MAP3K13: variants seen among roughly 807,000 people sequenced by gnomAD.
MAP3K13 encodes mitogen-activated protein kinase kinase kinase 13.
Under a neutral mutation model 104.0 loss-of-function variants are expected in MAP3K13, and 52 were observed. That is an observed-to-expected ratio of 0.50 (90% CI 0.40 to 0.63). The LOEUF is 0.63. Ranked by LOEUF, MAP3K13 falls within the 20% of genes least tolerant of loss-of-function variation. The pLI is 0.00. For synonymous variants in MAP3K13, 394 were observed against 442.2 expected, an observed-to-expected ratio of 0.89 and a Z score of 1.37; for missense variants, 914 against 1,218.5, an observed-to-expected ratio of 0.75 and a Z score of 3.72.
intron 1 of MAP3K13, among the ~76,000 whole-genome samples, chr3:185,372,689 A>C (rs1353832234): frequency 6.6e-6 from 1 of 152,140 alleles, no homozygotes; most frequent in African/African-American, 2.4e-5. Context: ...TTTTGTCACA[A>C]ATTTTCTTAT....
chr3:185,316,563 C>T (rs1409429699), intron 2 of MAP3K13, among the ~76,000 whole-genome samples: 1 of 152,158 alleles, frequency 6.6e-6, no homozygotes, highest in African/African-American at 2.4e-5. Context: ...TTCACTTAAG[C>T]CCGGGAGGTG....
Position 185,484,369 on chromosome 3 carries a change from C to G in MAP3K13, c.*1913C>G, listed in dbSNP as rs543150591. 2.0e-5 allele frequency: 3 copies of G among 152,262 alleles called. No homozygotes were observed. In the South Asian group the frequency reaches 6.2e-4, roughly 32 times the overall value. 9.4% of individuals were successfully genotyped at this position (152,262 alleles called of 1,614,324 possible). A position where few individuals can be genotyped will look rare whatever the true frequency, so the allele number is the denominator to read the frequency against. ...GTACAAATAGGTGTTGACCTAGTACCTGTCCCTGTCTCCAAGACAGATTAC... is the reference window on the plus strand; with the variant it reads ...GTACAAATAGGTGTTGACCTAGTACGTGTCCCTGTCTCCAAGACAGATTAC... On this transcript the variant is annotated 3_prime_UTR_variant, in exon 14 of 14. Coordinates refer to ENST00000265026, the MANE Select transcript of MAP3K13 (RefSeq NM_004721.5).
At chr3:185,481,325 A>T (rs1253336161) in intron 13 of MAP3K13, 4 of 152,026 alleles carry the variant, frequency 2.6e-5, no homozygotes, top group Non-Finnish European at 2.9e-5. Flanking sequence ...CAACAACAAC[A>T]ACAACAAAAT....
chr3:185,309,040 C>T (rs1237953414), intron 2 of MAP3K13, among the ~76,000 whole-genome samples: 1 of 152,048 alleles, frequency 6.6e-6, no homozygotes, highest in African/African-American at 2.4e-5. Context: ...ATAAGGATGC[C>T]AGTCATGTTG....
At chr3:185,455,543 A>ATATATATAT (rs1491361772) in intron 7 of MAP3K13, among the ~76,000 whole-genome samples, 1 of 7,466 alleles carries the variant, frequency 1.3e-4, no homozygotes, top group Non-Finnish European at 2.0e-4. Flanking sequence ...GATATATATG[A>ATATATATAT]CATATATATG....
chr3:185,312,706 A>G (rs1333969080), intron 2 of MAP3K13, among the ~76,000 whole-genome samples: 2 of 152,250 alleles, frequency 1.3e-5, no homozygotes, highest in Non-Finnish European at 1.5e-5. Context: ...ACATAATTAT[A>G]TGCAAACTAT....
At position 185,466,823 on chromosome 3, in the gene MAP3K13, C is replaced by G; in HGVS notation, c.1506-3C>G. 1 of 1,613,934 alleles carries G rather than the reference C, an allele frequency of 6.2e-7. No homozygotes were observed. ...AGGTGTGGCTTTTGCCTTTATTCTG[C>G]AGGCGTGAGCAAGCAGTGGAAAAGA... On this transcript the variant is annotated splice_polypyrimidine_tract_variant and splice_region_variant and intron_variant, in intron 9 of 13. Transcript: ENST00000265026.
At chr3:185,342,591 A>T (rs557403244) in intron 2 of MAP3K13, among the ~76,000 whole-genome samples, 2 of 152,288 alleles carry the variant, frequency 1.3e-5, no homozygotes, top group East Asian at 1.9e-4. Context: ...ACCAGGCAAG[A>T]TGTTTGTTAT....
chr3:185,444,552 GGCTATGTAAGAGAA>G (rs1486101959), intron 4 of MAP3K13, among the ~76,000 whole-genome samples: 3 of 152,014 alleles, frequency 2.0e-5, no homozygotes, highest in Non-Finnish European at 4.4e-5. Flanking sequence ...AATAAACACT[GGCTATGTAAGAGAA>G]GCAGGGCTAT....
At chr3:185,446,143 T>C (rs921027052) in intron 4 of MAP3K13, among the ~76,000 whole-genome samples, 13 of 152,148 alleles carry the variant, frequency 8.5e-5, no homozygotes, top group African/African-American at 3.1e-4. Flanking sequence ...GTTGTGAGCA[T>C]GGTAAATGTG....
At chr3:185,372,799 C>A (rs1189164188) in intron 1 of MAP3K13, among the ~76,000 whole-genome samples, 1 of 152,126 alleles carries the variant, frequency 6.6e-6, no homozygotes, top group Non-Finnish European at 1.5e-5. Flanking sequence ...TTGACCATAT[C>A]TGAAACGTAA....
intron 2 of MAP3K13, among the ~76,000 whole-genome samples, chr3:185,316,613 C>A (rs1036039101): frequency 1.5e-4 from 23 of 152,216 alleles, no homozygotes; most frequent in African/African-American, 5.5e-4. Flanking sequence ...TACACTCCAG[C>A]CTGGGTGACA....
intron 13 of MAP3K13, among the ~76,000 whole-genome samples, chr3:185,481,489 G>GA (rs11449637): frequency 0.48 from 71,725 of 148,898 alleles, 17,323 homozygotes; most frequent in Middle Eastern, 0.52. Context: ...CCCTGTCTCT[G>GA]AAAAAAAAAA....
At position 185,437,641 on chromosome 3, in the gene MAP3K13, G is replaced by C; in HGVS notation, c.659+11G>C. 4.3e-6 allele frequency: 6 copies of C among 1,407,550 alleles called. No homozygotes were observed. Among genetic ancestry groups the C allele is most frequent in the African/African-American group, 4.3e-5 (2 of 46,476 alleles). The allele number at this position is 1,407,550 out of a possible 1,614,324, so 87.2% of individuals were successfully genotyped here. Reference sequence around the variant, plus strand: ...CATCATCGCATTCAAGTAGGTCAAGGCTTTTTTTTTTTAAGAAGTAGACCT... The same window carrying C: ...CATCATCGCATTCAAGTAGGTCAAGCCTTTTTTTTTTTAAGAAGTAGACCT... On this transcript the variant is annotated intron_variant, in intron 3 of 13. Coordinates refer to ENST00000265026, the MANE Select transcript of MAP3K13 (RefSeq NM_004721.5).
chr3:185,448,008 A>G, intron 5 of MAP3K13, 61 bp downstream of exon 5: 1 of 1,513,994 alleles, frequency 6.6e-7, no homozygotes, highest in Non-Finnish European at 9.1e-7. Flanking sequence ...CCCTATTAGC[A>G]CTGTCTTCCT....
intron 2 of MAP3K13, among the ~76,000 whole-genome samples, chr3:185,313,570 A>ATAG (rs1361693481): frequency 1.3e-5 from 2 of 152,030 alleles, no homozygotes; most frequent in East Asian, 3.9e-4. Context: ...CACCCTGCCA[A>ATAG]TAGTACAATT....
intron 1 of MAP3K13, among the ~76,000 whole-genome samples, chr3:185,375,026 G>T (rs747944156): frequency 3.3e-5 from 5 of 152,120 alleles, no homozygotes; most frequent in Non-Finnish European, 5.9e-5. Context: ...GAGACTTAAG[G>T]GTGGCAGTTT....
At chr3:185,455,648 T>TATATATC (rs1716593932) in intron 7 of MAP3K13, among the ~76,000 whole-genome samples, 5 of 30,328 alleles carry the variant, frequency 1.6e-4, no homozygotes, top group African/African-American at 6.1e-4. Flanking sequence ...ATATATGAGA[T>TATATATC]ATATATATGA....
chr3:185,439,248 G>C lies in MAP3K13; in HGVS notation c.659+1618G>C, dbSNP rs1198828361. Among the ~76,000 whole-genome samples, 4 of 152,142 alleles carry C rather than the reference G, an allele frequency of 2.6e-5. 1 individual carries two copies. The highest frequency in any genetic ancestry group is 2.6e-4 in the Admixed American group (4 of 15,268). On this transcript the variant is annotated intron_variant, in intron 3 of 13. Coordinates refer to ENST00000265026, the MANE Select transcript of MAP3K13 (RefSeq NM_004721.5). ...CTTGGATTCATTTCCTTGGGGAAGGGACATTCATGCAGAGGGCATGGGAGA... is the reference window on the plus strand; with the variant it reads ...CTTGGATTCATTTCCTTGGGGAAGGCACATTCATGCAGAGGGCATGGGAGA...
Sources: gnomAD v4.1 joint callset for allele counts (sites outside exome capture counted in the v4.1 genomes callset) on GRCh38, gnomAD v4.1.1 for gene constraint, MANE v1.5 for transcripts, NCBI Gene and HGNC (gene_info 2026-07-23, HGNC 2026-07-21) for gene names.